Variants in PTCH2 observed in about 807,000 individuals in gnomAD.
PTCH2 encodes the protein patched 2.
PTCH2 carries 96 observed loss-of-function variants against 117.9 expected under a neutral mutation model. The ratio of observed to expected loss-of-function variants is 0.81; its 90% CI spans 0.69 to 0.96. PTCH2 has a LOEUF of 0.96. Ranked by LOEUF, PTCH2 falls within the 50% of genes least tolerant of loss-of-function variation. The probability of loss-of-function intolerance (pLI) is 0.00; values close to 1 mark genes in which losing one functional copy is unlikely to be tolerated. For synonymous variants in PTCH2, 615 were observed against 660.9 expected, an observed-to-expected ratio of 0.93 and a Z score of 1.06; for missense variants, 1,379 against 1,562.5, an observed-to-expected ratio of 0.88 and a Z score of 1.98.
chr1:44,820,379 T>G, downstream of PTCH2: 1 of 588,748 alleles, frequency 1.7e-6, no homozygotes, highest in South Asian at 1.5e-5. Context: ...GGGGTTAAGG[T>G]CCTGTCCCGC....
At chr1:44,832,110 C>T in intron 3 of PTCH2, 42 bp downstream of exon 3, 2 of 1,613,470 alleles carry the variant, frequency 1.2e-6, no homozygotes, top group Non-Finnish European at 1.7e-6. Flanking sequence ...ACCCCCACAG[C>T]ACGCCTCGCC....
At position 44,822,073 on chromosome 1, in the gene PTCH2, C is replaced by G; in HGVS notation, c.*342G>C. 7.3e-7 allele frequency: 1 copy of G among 1,367,668 alleles called. No individual in the cohort carries two copies. Among genetic ancestry groups the G allele is most frequent in the Non-Finnish European group, 9.5e-7 (1 of 1,055,978 alleles). The allele number at this position is 1,367,668 out of a possible 1,614,324, so 84.7% of individuals were successfully genotyped here. ...GGAGGTGGGCAGGGATATGGAGAGC[C>G]TGCCCAGGAGTCACCAGACGGAAGG... On this transcript the variant is annotated 3_prime_UTR_variant, in exon 22 of 22. Coordinates refer to ENST00000372192, the MANE Select transcript of PTCH2 (RefSeq NM_003738.5).
rs2148877323 is a variant in PTCH2, at chr1:44,829,292, G to T, written c.1236C>A (p.Thr412=). ...ACTGGGCGCAGTCCCACCGCAGCAT[G>T]GTCACACAGGCATAGGCCAGCTGTG... ...YLLMLAYACV[T]MLRWDCAQSQ... Residue 412 remains threonine, a synonymous_variant, in exon 10 of 22, where the codon ACC becomes ACA. Coordinates refer to ENST00000372192, the MANE Select transcript of PTCH2 (RefSeq NM_003738.5). The T allele has an allele frequency of 6.2e-7, 1 of 1,613,650 alleles. No individual in the cohort carries two copies. The highest frequency in any genetic ancestry group is 1.1e-5 in the South Asian group (1 of 91,074).
At chr1:44,830,742 T>A in intron 6 of PTCH2, 106 bp downstream of exon 6, 1 of 1,159,818 alleles carries the variant, frequency 8.6e-7, no homozygotes. Context: ...GGCCAGGAAG[T>A]GGGGGGTCAG....
chr1:44,822,578 G>A lies in PTCH2; in HGVS notation c.3449C>T (p.Pro1150Leu), dbSNP rs1235271582. 3 of 1,614,078 alleles carry A rather than the reference G, an allele frequency of 1.9e-6. No homozygotes were observed. Among genetic ancestry groups the A allele is most frequent in the South Asian group, 1.1e-5 (1 of 91,082 alleles). Reference protein sequence around the residue: ...GLRWGASSSLPQSFARVTTSM... With the variant: ...GLRWGASSSLLQSFARVTTSM... Reference sequence around the variant, plus strand: ...GGTAGTCACTCTGGCAAAGCTCTGGGGCAGGGAGGAGGATGCCCCCCACCT... The same window carrying A: ...GGTAGTCACTCTGGCAAAGCTCTGGAGCAGGGAGGAGGATGCCCCCCACCT... Residue 1150 changes from proline to leucine, a missense_variant, in exon 22 of 22, where the codon CCC (proline) becomes CTC (leucine). By Grantham distance (98) the Pro-to-Leu change is moderately conservative. Coordinates refer to ENST00000372192, the MANE Select transcript of PTCH2 (RefSeq NM_003738.5).
At chr1:44,830,586 T>G (rs1653388862) in intron 6 of PTCH2, among the ~76,000 whole-genome samples, 1 of 41,706 alleles carries the variant, frequency 2.4e-5, no homozygotes, top group African/African-American at 1.7e-4. Flanking sequence ...AGAGTGAGAC[T>G]CAAAAAAAAA....
downstream of PTCH2, chr1:44,820,408 G>C (rs948216599): frequency 4.6e-6 from 3 of 645,552 alleles, no homozygotes; most frequent in African/African-American, 5.4e-5. Flanking sequence ...CCCGCAGTAA[G>C]CCTCCGGGCT....
chr1:44,827,756 C>G (rs1355323902), intron 14 of PTCH2, 42 bp from the exon 15 acceptor site: 4 of 1,610,552 alleles, frequency 2.5e-6, no homozygotes, highest in Non-Finnish European at 2.5e-6. Context: ...CAGGGCTGCC[C>G]CCAGCCCCTC....
Position 44,828,056 on chromosome 1 carries a change from G to T in PTCH2, c.1845C>A (p.Thr615=). ...HCEASSQHVV[T]ILPPQAHLVP... is the part of the protein sequence containing the mutation. Reference sequence around the variant, plus strand: ...CCAGGTGGGCTTGGGGAGGCAGGATGGTGACCACATGCTGGCTGCTGGCTT... The same window carrying T: ...CCAGGTGGGCTTGGGGAGGCAGGATTGTGACCACATGCTGGCTGCTGGCTT... The change falls in exon 14 of 22, where the codon ACC becomes ACA. Residue 615 remains threonine, a synonymous_variant. Coordinates refer to ENST00000372192, the MANE Select transcript of PTCH2 (RefSeq NM_003738.5). 3.1e-6 allele frequency: 5 copies of T among 1,614,146 alleles called. No individual in the cohort carries two copies. The highest frequency in any genetic ancestry group is 4.2e-6 in the Non-Finnish European group (5 of 1,180,004).
chr1:44,831,112 G>C lies in PTCH2; in HGVS notation c.618-69C>G. Reference sequence around the variant, plus strand: ...CCAGGCTCCAAACTGCTGCTGGGGCGCCATGCTGTACCCCACCCTCCTCTT... The same window carrying C: ...CCAGGCTCCAAACTGCTGCTGGGGCCCCATGCTGTACCCCACCCTCCTCTT... On this transcript the variant is annotated intron_variant, in intron 5 of 21. Coordinates refer to ENST00000372192, the MANE Select transcript of PTCH2 (RefSeq NM_003738.5). This position sits in a 1 kb window ranked among gnomAD's most constrained non-coding sequence, Gnocchi z 4.3. 2.1e-6 allele frequency: 3 copies of C among 1,455,614 alleles called. No individual in the cohort carries two copies. The highest frequency in any genetic ancestry group is 2.8e-6 in the Non-Finnish European group (3 of 1,055,924). The allele number at this position is 1,455,614 out of a possible 1,614,324, so 90.2% of individuals were successfully genotyped here. A position where few individuals can be genotyped will look rare whatever the true frequency, so the allele number is the denominator to read the frequency against.
At position 44,828,241 on chromosome 1, in the gene PTCH2, G is replaced by A. The variant is rs1305551605; in HGVS notation, c.1710-50C>T. On this transcript the variant is annotated intron_variant, in intron 13 of 21. Coordinates refer to ENST00000372192, the MANE Select transcript of PTCH2 (RefSeq NM_003738.5). Reference sequence around the variant, plus strand: ...CAGGTCTGTGCCTTGAAATGCTGGTGAGGGGACAGGCTGGCGTGGGTCACG... The same window carrying A: ...CAGGTCTGTGCCTTGAAATGCTGGTAAGGGGACAGGCTGGCGTGGGTCACG... 2.5e-6 allele frequency: 4 copies of A among 1,612,620 alleles called. No homozygotes were observed. The South Asian group carries it at 4.4e-5, about 18-fold the overall frequency.
At chr1:44,839,387 AAAG>A (rs1226507857) in intron 2 of PTCH2, among the ~76,000 whole-genome samples, 2 of 146,842 alleles carry the variant, frequency 1.4e-5, no homozygotes, top group African/African-American at 2.5e-5. Flanking sequence ...AAAAAAACAG[AAAG>A]AAAAAAAAAG....
rs1286443039 is a variant in PTCH2 at position 44,827,153 on chromosome 1, A to G, written c.2514+14T>C. 2.5e-6 allele frequency: 4 copies of G among 1,613,882 alleles called. No individual in the cohort carries two copies. The African/African-American group carries it at 5.3e-5, about 22-fold the overall frequency. On this transcript the variant is annotated intron_variant, in intron 16 of 21. Coordinates refer to ENST00000372192, the MANE Select transcript of PTCH2 (RefSeq NM_003738.5). The stretch of plus-strand genomic sequence containing the variant: ...AGCCCCTGTACTAGTGGACCCCTCC[A>G]GCCCTCTCCCAACCTGGCTGAAATC...
In PTCH2 at chr1:44,829,909, C is replaced by T. The variant is rs1653355659; in HGVS notation, c.935G>A (p.Arg312Lys). ...CACCAACTCCCAGAGGAGACCCTAC[C>T]TCAGCAGCTCTCCTTGGGGGTCTCT... ...MARDPQGELL[R>K]AEALQSTFLL... The change falls in exon 7 of 22, where the codon AGG (arginine) becomes AAG (lysine). Residue 312 changes from arginine (R) to lysine (K), a missense_variant and splice_region_variant. Arg to Lys is a conservative substitution (Grantham distance 26). Transcript: ENST00000372192. 2.5e-6 allele frequency: 4 copies of T among 1,614,092 alleles called. No homozygotes were observed. Among genetic ancestry groups the T allele is most frequent in the Non-Finnish European group, 2.5e-6 (3 of 1,179,972 alleles).
At position 44,827,501 on chromosome 1, in the gene PTCH2, C is replaced by T. The variant is rs753145835; in HGVS notation, c.2272G>A (p.Asp758Asn). The T allele has an allele frequency of 6.2e-7, 1 of 1,613,958 alleles. No individual in the cohort carries two copies. Among genetic ancestry groups the T allele is most frequent in the Non-Finnish European group, 8.5e-7 (1 of 1,179,920 alleles). Residue 758 changes from aspartate (D) to asparagine (N), a missense_variant, in exon 15 of 22, where the codon GAT becomes AAT. Coordinates refer to ENST00000372192, the MANE Select transcript of PTCH2 (RefSeq NM_003738.5). Reference sequence around the variant, plus strand: ...AGGGAACTGAAGCGCTGGTGCAGATCAAAGAGGGCGCGTTGGGAGTGGGCG... The same window carrying T: ...AGGGAACTGAAGCGCTGGTGCAGATTAAAGAGGGCGCGTTGGGAGTGGGCG... ...DYAHSQRALFDLHQRFSSLKA... is the reference protein window; with the variant it reads ...DYAHSQRALFNLHQRFSSLKA...
In PTCH2 at chr1:44,827,454, C is replaced by T. The variant is rs1346751141; in HGVS notation, c.2319G>A (p.Pro773=). The T allele has an allele frequency of 4.3e-6, 7 of 1,613,956 alleles. No homozygotes were observed. Among genetic ancestry groups the T allele is most frequent in the Admixed American group, 1.7e-5 (1 of 60,006 alleles). Residue 773 remains proline, a synonymous_variant, in exon 15 of 22, where the codon CCG becomes CCA. Coordinates refer to ENST00000372192, the MANE Select transcript of PTCH2 (RefSeq NM_003738.5). ...FSSLKAVLPP[P]ATQAPRTWLH... is the part of the protein sequence containing the mutation. ...GCCAGGTGCGGGGTGCCTGGGTGGC[C>T]GGTGGGGGCAGCACCGCCTTGAGGG... is the stretch of plus-strand genomic sequence containing the variant.
At chr1:44,825,439 T>G (rs1653099375) in intron 19 of PTCH2, among the ~76,000 whole-genome samples, 1 of 152,172 alleles carries the variant, frequency 6.6e-6, no homozygotes, top group Non-Finnish European at 1.5e-5. Context: ...CACCCAGCCC[T>G]TATTGTCTAT....
intron 2 of PTCH2, among the ~76,000 whole-genome samples, chr1:44,836,111 G>A (rs937843021): frequency 3.3e-5 from 5 of 152,288 alleles, no homozygotes; most frequent in Admixed American, 6.5e-5. Flanking sequence ...TTCCGTGGCC[G>A]TCATCGGAAA....
chr1:44,836,799 A>C (rs566479471), intron 2 of PTCH2, among the ~76,000 whole-genome samples: 5 of 152,018 alleles, frequency 3.3e-5, no homozygotes, highest in South Asian at 2.1e-4. Context: ...AACAAACAAA[A>C]AAATTAGCTG....
Sources: allele counts gnomAD v4.1 joint callset (sites outside exome capture counted in the v4.1 genomes callset), GRCh38; gene constraint gnomAD v4.1.1; non-coding constraint Gnocchi (gnomAD v3.1); transcripts MANE v1.5; gene names NCBI Gene and HGNC (gene_info 2026-07-23, HGNC 2026-07-21).